The following ZNF624 variants were observed in gnomAD, a reference collection of about 807,000 sequenced individuals.
ZNF624 encodes zinc finger protein 624.
Under a neutral mutation model 74.7 loss-of-function variants are expected in ZNF624, and 43 were observed. The observed-to-expected ratio is 0.58, with a 90% CI of 0.45 to 0.74. The LOEUF is 0.74. ZNF624 is among the 30% of genes least tolerant of loss of function. ZNF624 has a pLI of 0.00. For synonymous variants in ZNF624, 331 were observed against 341.3 expected, an observed-to-expected ratio of 0.97 and a Z score of 0.33; for missense variants, 820 against 1,030.0, an observed-to-expected ratio of 0.80 and a Z score of 2.79.
chr17:16,643,147 A>G (rs888949694), intron 3 of ZNF624, among the ~76,000 whole-genome samples: 8 of 152,364 alleles, frequency 5.3e-5, no homozygotes, highest in East Asian at 1.9e-4. Context: ...TAGAATTATC[A>G]TATGATCCAG....
intron 3 of ZNF624, among the ~76,000 whole-genome samples, chr17:16,636,966 A>C (rs1597495440): frequency 6.6e-6 from 1 of 152,362 alleles, no homozygotes; most frequent in East Asian, 1.9e-4. Context: ...TGTGCAAATC[A>C]ATAAATGTAA....
In ZNF624 at chr17:16,648,702, A is replaced by G. The variant is rs560612029; in HGVS notation, c.87+956T>C. On this transcript the variant is annotated intron_variant, in intron 2 of 5. Transcript: ENST00000311331. ...TTTCTTCTGAATCTATTTTAAAGTC[A>G]CTGCTAAAACACAGCTTTTATCACA... 3.9e-5 allele frequency among the ~76,000 whole-genome samples: 6 copies of G among 152,322 alleles called. No homozygotes were observed. The South Asian group carries it at 1.2e-3, about 32-fold the overall frequency.
chr17:16,630,060 A>G lies in ZNF624; in HGVS notation c.376+3802T>C, dbSNP rs535784664. Among the ~76,000 whole-genome samples, 3 of 152,304 alleles carry G rather than the reference A, an allele frequency of 2.0e-5. No individual in the cohort carries two copies. The South Asian group carries it at 6.2e-4, about 32-fold the overall frequency. ...TCACAGCAGAGAGTCCTTATGATCC[A>G]ACAAAGCCAAAAATATTGCTGCCCT... On this transcript the variant is annotated intron_variant, in intron 5 of 5. Transcript: ENST00000311331.
In ZNF624 at chr17:16,621,288, C is replaced by T. The variant is rs1030473038; in HGVS notation, c.*1000G>A. The T allele has an allele frequency of 4.6e-5, 7 of 152,244 alleles. No homozygotes were observed. Among genetic ancestry groups the T allele is most frequent in the African/African-American group, 1.7e-4 (7 of 41,474 alleles). The allele number at this position is 152,244 out of a possible 1,614,324, so 9.4% of individuals were successfully genotyped here. A position where few individuals can be genotyped will look rare whatever the true frequency, so the allele number is the denominator to read the frequency against. The stretch of plus-strand genomic sequence containing the variant: ...ATGTCACAATTTATCTAACCAGTTC[C>T]CTATTAATGGGCATTCACTTTGTTT... On this transcript the variant is annotated 3_prime_UTR_variant, in exon 6 of 6. Coordinates refer to ENST00000311331, the MANE Select transcript of ZNF624 (RefSeq NM_020787.4).
intron 3 of ZNF624, among the ~76,000 whole-genome samples, chr17:16,646,536 A>T (rs533961165): frequency 6.6e-6 from 1 of 152,388 alleles, no homozygotes; most frequent in Non-Finnish European, 1.5e-5. Flanking sequence ...AAGCTTGACA[A>T]GACAGGTTTA....
chr17:16,641,598 C>G (rs1157956734), intron 3 of ZNF624, among the ~76,000 whole-genome samples: 1 of 152,130 alleles, frequency 6.6e-6, no homozygotes, highest in East Asian at 1.9e-4. Flanking sequence ...CTTCTCACTT[C>G]TATTCAACAT....
chr17:16,643,985 G>C (rs1228617297), intron 3 of ZNF624, among the ~76,000 whole-genome samples: 2 of 152,130 alleles, frequency 1.3e-5, no homozygotes, highest in East Asian at 3.8e-4. Flanking sequence ...CCATCCTCAT[G>C]GTAATGAGTG....
intron 3 of ZNF624, among the ~76,000 whole-genome samples, chr17:16,639,137 T>C (rs1357752368): frequency 1.3e-5 from 2 of 152,204 alleles, no homozygotes; most frequent in Non-Finnish European, 2.9e-5. Flanking sequence ...GTAATCATTC[T>C]GATCCATGAT....
chr17:16,631,013 C>A (rs966684979), intron 5 of ZNF624, among the ~76,000 whole-genome samples: 4 of 151,834 alleles, frequency 2.6e-5, no homozygotes, highest in African/African-American at 7.3e-5. Flanking sequence ...ATAGGCTGTA[C>A]ATTTTTTCAA....
At position 16,634,638 on chromosome 17, in the gene ZNF624, A is replaced by T; in HGVS notation, c.272T>A (p.Val91Asp). 6.2e-7 allele frequency: 1 copy of T among 1,613,174 alleles called. No homozygotes were observed. The highest frequency in any genetic ancestry group is 8.5e-7 in the Non-Finnish European group (1 of 1,179,442). Residue 91 changes from valine to aspartate, a missense_variant, in exon 4 of 6, where the codon GTC (valine) becomes GAC (aspartate). Physicochemically the swap from Val to Asp is radical, Grantham distance 152. Transcript: ENST00000311331. ...DVMLENYRNL[V>D]SLGLAVSKPD... Reference sequence around the variant, plus strand: ...AGAGAAGTTATCCTTACCCAGGGAGACCAGATTCCTGTAATTCTCTAGCAT... The same window carrying T: ...AGAGAAGTTATCCTTACCCAGGGAGTCCAGATTCCTGTAATTCTCTAGCAT...
At chr17:16,629,739 G>A (rs529194883) in intron 5 of ZNF624, among the ~76,000 whole-genome samples, 1 of 152,046 alleles carries the variant, frequency 6.6e-6, no homozygotes, top group African/African-American at 2.4e-5. Flanking sequence ...GCTAAAATTT[G>A]TATTTTTAGT....
chr17:16,651,604 G>C (rs889029497), intron 1 of ZNF624, among the ~76,000 whole-genome samples: 3 of 152,058 alleles, frequency 2.0e-5, no homozygotes, highest in Admixed American at 1.3e-4. Context: ...AGTCTGAGGG[G>C]ATTCCTGTAT....
At position 16,623,281 on chromosome 17, in the gene ZNF624, T is replaced by C. The variant is rs1249013583; in HGVS notation, c.1605A>G (p.Lys535=). The C allele has an allele frequency of 1.9e-6, 3 of 1,613,848 alleles. No homozygotes were observed. The highest frequency in any genetic ancestry group is 2.7e-5 in the African/African-American group (2 of 74,928). ...TAAGGCATGAATAATTAATGAATGC[T>C]TTCCCACATTCATTACATTTATAGG... ...EKPYKCNECG[K]AFINYSCLTV... The change falls in exon 6 of 6, where the codon AAA becomes AAG. Residue 535 remains lysine (K), a synonymous_variant. Coordinates refer to ENST00000311331, the MANE Select transcript of ZNF624 (RefSeq NM_020787.4). The surrounding 1 kb of genome is among the most constrained non-coding windows in gnomAD (Gnocchi z 5.3).
At chr17:16,653,062 C>A (rs1909765549) in intron 1 of ZNF624, among the ~76,000 whole-genome samples, 2 of 152,236 alleles carry the variant, frequency 1.3e-5, no homozygotes, top group African/African-American at 4.8e-5. Flanking sequence ...TGTTTTGCTT[C>A]CTTGGCCAGT....
chr17:16,634,490 G>GT, intron 4 of ZNF624, 140 bp downstream of exon 4: 1 of 847,500 alleles, frequency 1.2e-6, no homozygotes, highest in Non-Finnish European at 1.8e-6. Context: ...AGATCATGTA[G>GT]TTAAGAGTGA....
At chr17:16,650,887 C>A (rs1384362605) in intron 1 of ZNF624, among the ~76,000 whole-genome samples, 2 of 152,136 alleles carry the variant, frequency 1.3e-5, no homozygotes, top group Non-Finnish European at 2.9e-5. Flanking sequence ...TAGCTTTGCT[C>A]AATAAACATA....
chr17:16,626,422 G>C (rs574994550), intron 5 of ZNF624, among the ~76,000 whole-genome samples: 162 of 150,308 alleles, frequency 1.1e-3, no homozygotes, highest in African/African-American at 3.9e-3. Flanking sequence ...ATATTATATT[G>C]CCAGTATCTG....
chr17:16,615,760 A>G (rs955755388), downstream of ZNF624, among the ~76,000 whole-genome samples: 5 of 152,004 alleles, frequency 3.3e-5, no homozygotes, highest in Middle Eastern at 3.4e-3. Context: ...TACAAATCCT[A>G]TTTCTGGAGG....
intron 3 of ZNF624, among the ~76,000 whole-genome samples, chr17:16,635,328 A>C (rs1464422366): frequency 6.6e-6 from 1 of 152,226 alleles, no homozygotes; most frequent in Non-Finnish European, 1.5e-5. Context: ...ATGTATTAAA[A>C]AATGGAAGAA....
Sources: allele counts gnomAD v4.1 joint callset (sites outside exome capture counted in the v4.1 genomes callset), GRCh38; gene constraint gnomAD v4.1.1; non-coding constraint Gnocchi (gnomAD v3.1); transcripts MANE v1.5; gene names NCBI Gene and HGNC (gene_info 2026-07-23, HGNC 2026-07-21).